Variants in SGCZ observed in about 807,000 individuals in gnomAD.
The protein encoded by SGCZ is zeta-sarcoglycan.
SGCZ carries 40 observed loss-of-function variants against 41.3 expected under a neutral mutation model. The ratio of observed to expected loss-of-function variants is 0.97; its 90% confidence interval spans 0.75 to 1.26. SGCZ has a LOEUF of 1.26. Ranked by LOEUF, SGCZ falls within the 50% of genes most tolerant of loss-of-function variation. The pLI, the probability that SGCZ is intolerant of heterozygous loss-of-function variation, is 0.00. For missense variants in SGCZ, 552 were observed against 369.8 expected, an observed-to-expected ratio of 1.49 and a Z score of -4.04; for synonymous variants, 206 against 137.5, an observed-to-expected ratio of 1.50 and a Z score of -3.49.
chr8:14,309,262 G>T, intron 3 of SGCZ: 1 of 1,537,022 alleles, frequency 6.5e-7, no homozygotes, highest in Non-Finnish European at 9.0e-7. Flanking sequence ...ATATCCAGTT[G>T]TCTAGTAATT....
At chr8:14,654,877 G>T (rs1172033792) in intron 1 of SGCZ, among the ~76,000 whole-genome samples, 2 of 151,908 alleles carry the variant, frequency 1.3e-5, no homozygotes, top group African/African-American at 4.8e-5. Context: ...ATATTGGTCA[G>T]GCTGGTTTCG....
chr8:14,865,927 C>T (rs1204422415), intron 1 of SGCZ, among the ~76,000 whole-genome samples: 1 of 152,038 alleles, frequency 6.6e-6, no homozygotes, highest in Admixed American at 6.6e-5. Context: ...TTGGGGACCC[C>T]TTGTCATTAA....
chr8:15,066,588 A>C (rs1348233806), intron 1 of SGCZ, among the ~76,000 whole-genome samples: 1 of 152,114 alleles, frequency 6.6e-6, no homozygotes, highest in Non-Finnish European at 1.5e-5. Context: ...GTATCTCCTG[A>C]CATACTAACA....
At chr8:14,556,963 T>C (rs1282222851) in intron 1 of SGCZ, among the ~76,000 whole-genome samples, 1 of 152,106 alleles carries the variant, frequency 6.6e-6, no homozygotes, top group Non-Finnish European at 1.5e-5. Flanking sequence ...GTGGGATTGC[T>C]AGATCAAATG....
chr8:14,101,361 T>C (rs548655448), intron 7 of SGCZ, among the ~76,000 whole-genome samples: 1 of 74,070 alleles, frequency 1.4e-5, no homozygotes, highest in Middle Eastern at 6.7e-3. Context: ...CCATAGAAAA[T>C]TGGGAAAAGA....
At chr8:14,849,105 T>C (rs957272434) in intron 1 of SGCZ, among the ~76,000 whole-genome samples, 17 of 152,130 alleles carry the variant, frequency 1.1e-4, no homozygotes, top group African/African-American at 3.9e-4. Flanking sequence ...TATTAAAATA[T>C]GCAATTTAAA....
At chr8:15,230,727 G>C (rs879829625) in intron 1 of SGCZ, among the ~76,000 whole-genome samples, 1 of 152,152 alleles carries the variant, frequency 6.6e-6, no homozygotes, top group Non-Finnish European at 1.5e-5. Flanking sequence ...GTCAACTGCA[G>C]AGGCCAAAGG....
intron 1 of SGCZ, among the ~76,000 whole-genome samples, chr8:15,121,528 C>T (rs1262260483): frequency 6.6e-6 from 1 of 152,128 alleles, no homozygotes; most frequent in Non-Finnish European, 1.5e-5. Flanking sequence ...AAGATGCTTA[C>T]AGTAGTCTAG....
chr8:14,304,047 C>T (rs551393816), intron 3 of SGCZ, among the ~76,000 whole-genome samples: 20 of 152,080 alleles, frequency 1.3e-4, no homozygotes, highest in East Asian at 1.2e-3. Flanking sequence ...CCACTGCACC[C>T]GGCCAGTTTG....
intron 1 of SGCZ, among the ~76,000 whole-genome samples, chr8:14,640,326 C>A (rs1033470220): frequency 6.6e-6 from 1 of 151,640 alleles, no homozygotes. Context: ...TCTACATTAT[C>A]AGTCAATCAC....
chr8:15,229,147 G>A (rs189747354), intron 1 of SGCZ, among the ~76,000 whole-genome samples: 133 of 152,106 alleles, frequency 8.7e-4, no homozygotes, highest in Middle Eastern at 3.4e-3. Flanking sequence ...AACCGAGATC[G>A]TGCCACTATA....
Position 15,174,864 on chromosome 8 carries a change from G to C in SGCZ, c.39+62721C>G, listed in dbSNP as rs80355477. On this transcript the variant is annotated intron_variant, in intron 1 of 7. Transcript: ENST00000382080. ...AAACATAACACATGCTGGTAAGGTT[G>C]TGGAGTCAAAGTAATGCTTACACAC... Among the ~76,000 whole-genome samples the C allele has an allele frequency of 9.3e-3, 1,418 of 152,278 alleles. 19 individuals carry two copies. Among genetic ancestry groups the C allele is most frequent in the African/African-American group, 0.032 (1,335 of 41,550 alleles).
At chr8:14,558,910 A>C (rs1233018317) in intron 1 of SGCZ, among the ~76,000 whole-genome samples, 1 of 152,080 alleles carries the variant, frequency 6.6e-6, no homozygotes, top group African/African-American at 2.4e-5. Context: ...GGCAAAAAAC[A>C]CATCTGACAA....
At chr8:14,388,110 G>A (rs1447566162) in intron 2 of SGCZ, among the ~76,000 whole-genome samples, 1 of 152,020 alleles carries the variant, frequency 6.6e-6, no homozygotes, top group African/African-American at 2.4e-5. Context: ...AATTTGAAGT[G>A]AAATGCATTA....
At chr8:14,508,964 T>G (rs1012707260) in intron 2 of SGCZ, among the ~76,000 whole-genome samples, 11 of 152,158 alleles carry the variant, frequency 7.2e-5, no homozygotes, top group African/African-American at 2.7e-4. Context: ...TACTTATTGA[T>G]TTACTGGAAA....
intron 1 of SGCZ, among the ~76,000 whole-genome samples, chr8:14,585,876 T>C (rs1383732562): frequency 2.0e-5 from 3 of 152,186 alleles, no homozygotes; most frequent in Non-Finnish European, 4.4e-5. Flanking sequence ...ATAAATCACC[T>C]TCAGTAAATC....
intron 1 of SGCZ, among the ~76,000 whole-genome samples, chr8:14,734,179 T>C (rs370405283): frequency 2.0e-5 from 3 of 152,162 alleles, no homozygotes; most frequent in African/African-American, 7.2e-5. Flanking sequence ...ATGAAATGCA[T>C]TGTGACTCTG....
intron 2 of SGCZ, among the ~76,000 whole-genome samples, chr8:14,436,107 C>A (rs1289825378): frequency 1.3e-5 from 2 of 152,176 alleles, no homozygotes; most frequent in Non-Finnish European, 2.9e-5. Flanking sequence ...TGTCAAACTT[C>A]TGTCTAGCAG....
At chr8:15,036,526 A>T (rs1208320092) in intron 1 of SGCZ, among the ~76,000 whole-genome samples, 1 of 152,178 alleles carries the variant, frequency 6.6e-6, no homozygotes, top group Non-Finnish European at 1.5e-5. Flanking sequence ...CCTATGTAAC[A>T]AACATTCATG....
Sources: allele counts gnomAD v4.1 joint callset (sites outside exome capture counted in the v4.1 genomes callset), GRCh38; gene constraint gnomAD v4.1.1; transcripts MANE v1.5; gene names NCBI Gene and HGNC (gene_info 2026-07-23, HGNC 2026-07-21).